Variants in SYT1 observed in about 807,000 individuals in gnomAD.
SYT1 encodes synaptotagmin-1.
Under a neutral mutation model 44.8 loss-of-function variants are expected in SYT1, and 8 were observed. The observed-to-expected ratio is 0.18, with a 90% CI of 0.10 to 0.32. SYT1 has a LOEUF of 0.32. Among genes scored for constraint, SYT1 ranks in the 10% least tolerant of loss-of-function variants. The pLI is 1.00. For missense variants in SYT1, 286 were observed against 509.3 expected, an observed-to-expected ratio of 0.56 and a Z score of 4.22; for synonymous variants, 154 against 188.8, an observed-to-expected ratio of 0.82 and a Z score of 1.51.
chr12:79,188,074 G>A (rs1016158457), intron 3 of SYT1, among the ~76,000 whole-genome samples: 43 of 151,956 alleles, frequency 2.8e-4, no homozygotes, highest in African/African-American at 8.0e-4. Flanking sequence ...TAATTTATTC[G>A]CATTATATTG....
intron 1 of SYT1, among the ~76,000 whole-genome samples, chr12:78,902,916 A>G (rs1875743280): frequency 1.3e-5 from 2 of 152,158 alleles, no homozygotes; most frequent in Non-Finnish European, 2.9e-5. Context: ...TCTGAAAGTC[A>G]TTTGTGAGAT....
intron 5 of SYT1, among the ~76,000 whole-genome samples, chr12:79,288,428 A>G (rs181228039): frequency 1.1e-4 from 17 of 152,288 alleles, no homozygotes; most frequent in Admixed American, 1.1e-3. Flanking sequence ...CTTAAGAAAT[A>G]TCTATATATA....
At chr12:79,203,345 T>G (rs1228062600) in intron 3 of SYT1, among the ~76,000 whole-genome samples, 1 of 152,158 alleles carries the variant, frequency 6.6e-6, no homozygotes, top group African/African-American at 2.4e-5. Context: ...CTCTCATACT[T>G]ACGACATGGC....
rs1877781831 is a variant in SYT1 at position 79,091,628 on chromosome 12, A to C, written c.-18+44266A>C. 2.6e-5 allele frequency among the ~76,000 whole-genome samples: 4 copies of C among 152,126 alleles called. 1 individual carries two copies. Among genetic ancestry groups the C allele is most frequent in the Middle Eastern group, 6.8e-3 (2 of 294 alleles). On this transcript the variant is annotated intron_variant, in intron 3 of 10. Transcript: ENST00000261205. ...TTAATTTCAGTGATTCCAAGTCAGA[A>C]AAAAATTGGAGAAAAAAGTGAAAAT...
At chr12:79,124,841 A>T (rs531670385) in intron 3 of SYT1, among the ~76,000 whole-genome samples, 3 of 152,204 alleles carry the variant, frequency 2.0e-5, no homozygotes, top group African/African-American at 4.8e-5. Context: ...CAGTCCATAA[A>T]GGTTTAAAAA....
chr12:79,410,191 A>G (rs2136131983), intron 9 of SYT1, among the ~76,000 whole-genome samples: 1 of 152,310 alleles, frequency 6.6e-6, no homozygotes, highest in East Asian at 1.9e-4. Flanking sequence ...CATGTTGCTA[A>G]AAGAGAATAA....
intron 4 of SYT1, among the ~76,000 whole-genome samples, chr12:79,285,356 T>C (rs1274724172): frequency 6.6e-6 from 1 of 152,198 alleles, no homozygotes; most frequent in Admixed American, 6.5e-5. Flanking sequence ...GAAAGATCTA[T>C]GGGGTACCTA....
At chr12:78,929,234 T>C (rs1877479778) in intron 1 of SYT1, among the ~76,000 whole-genome samples, 1 of 150,796 alleles carries the variant, frequency 6.6e-6, no homozygotes, top group Admixed American at 6.6e-5. Context: ...AAACTCCGCC[T>C]CTACTAGAAA....
At chr12:78,976,796 A>G (rs924781861) in intron 1 of SYT1, 10 of 152,208 alleles carry the variant, frequency 6.6e-5, no homozygotes, top group African/African-American at 2.4e-4. Context: ...GGTATACAAT[A>G]TGATTTTAAT....
At chr12:78,956,883 A>G (rs183047981) in intron 1 of SYT1, among the ~76,000 whole-genome samples, 3 of 152,168 alleles carry the variant, frequency 2.0e-5, no homozygotes, top group African/African-American at 7.2e-5. Flanking sequence ...CATCTAGGCC[A>G]TAAAGCCTTT....
intron 8 of SYT1, among the ~76,000 whole-genome samples, chr12:79,308,633 AAAGAAAG>A (rs1440056370): frequency 2.0e-5 from 3 of 146,808 alleles, no homozygotes; most frequent in Non-Finnish European, 4.6e-5. Context: ...AGAAAGAAAG[AAAGAAAG>A]AAAGAAAGAA....
Position 78,929,658 on chromosome 12 carries a change from A to T in SYT1, c.-216-48141A>T, listed in dbSNP as rs116755160. ...AAAGTTGTGGAGTTTACAGTCAGAAAATGTAGCAGCCATCTAATCATATGA... is the reference window on the plus strand; with the variant it reads ...AAAGTTGTGGAGTTTACAGTCAGAATATGTAGCAGCCATCTAATCATATGA... On this transcript the variant is annotated intron_variant, in intron 1 of 10. Transcript: ENST00000261205. 1.3e-3 allele frequency among the ~76,000 whole-genome samples: 191 copies of T among 150,930 alleles called. 3 individuals carry two copies. The highest frequency in any genetic ancestry group is 4.4e-3 in the African/African-American group (183 of 41,454).
At chr12:79,397,740 C>T (rs1884926866) in intron 9 of SYT1, among the ~76,000 whole-genome samples, 2 of 152,134 alleles carry the variant, frequency 1.3e-5, no homozygotes, top group South Asian at 4.1e-4. Context: ...AGGTCAAAAG[C>T]TCTATGCTAC....
chr12:79,083,852 T>C (rs866153286), intron 3 of SYT1, among the ~76,000 whole-genome samples: 63 of 152,262 alleles, frequency 4.1e-4, no homozygotes, highest in African/African-American at 1.5e-3. Flanking sequence ...GATGCAAAGA[T>C]GTCAACACGA....
At chr12:79,300,692 T>C (rs1386930821) in intron 8 of SYT1, among the ~76,000 whole-genome samples, 1 of 151,102 alleles carries the variant, frequency 6.6e-6, no homozygotes, top group Non-Finnish European at 1.5e-5. Context: ...TAAGTTAAAC[T>C]CTGCTCTTTT....
intron 9 of SYT1, among the ~76,000 whole-genome samples, chr12:79,430,843 C>A (rs1234566755): frequency 6.6e-6 from 1 of 152,200 alleles, no homozygotes; most frequent in Non-Finnish European, 1.5e-5. Flanking sequence ...TTATACTTAA[C>A]TGGTTCATTC....
chr12:79,356,735 T>C (rs936622761), intron 9 of SYT1, among the ~76,000 whole-genome samples: 4 of 152,234 alleles, frequency 2.6e-5, no homozygotes, highest in African/African-American at 9.6e-5. Flanking sequence ...TATTTAACTC[T>C]TCTAAGCCTC....
chr12:78,897,559 T>G (rs1018839274), intron 1 of SYT1, among the ~76,000 whole-genome samples: 1 of 152,038 alleles, frequency 6.6e-6, no homozygotes, highest in Non-Finnish European at 1.5e-5. Flanking sequence ...TCCTTTAAAA[T>G]GAATAGTCAG....
intron 9 of SYT1, among the ~76,000 whole-genome samples, chr12:79,385,855 T>C (rs2136082332): frequency 6.6e-6 from 1 of 152,316 alleles, no homozygotes; most frequent in Non-Finnish European, 1.5e-5. Flanking sequence ...ACACCAAGAT[T>C]CATAACTCCC....
Sources: gnomAD v4.1 joint callset for allele counts (sites outside exome capture counted in the v4.1 genomes callset) on GRCh38, gnomAD v4.1.1 for gene constraint, MANE v1.5 for transcripts, NCBI Gene and HGNC (gene_info 2026-07-23, HGNC 2026-07-21) for gene names.